BEND6: variants seen among roughly 807,000 people sequenced by gnomAD.
The protein encoded by BEND6 is BEN domain containing 6, also known as BEN domain-containing protein 6.
A neutral mutation model predicts 31.8 loss-of-function variants in BEND6; 24 were observed. That is an observed-to-expected ratio of 0.75 (90% CI 0.55 to 1.06). The LOEUF (loss-of-function observed/expected upper bound fraction) is 1.06, where lower values mean the gene tolerates loss of function less well. Ranked by LOEUF, BEND6 falls within the 50% of genes least tolerant of loss-of-function variation. The pLI is 0.00. For missense variants in BEND6, 294 were observed against 327.4 expected, an observed-to-expected ratio of 0.90 and a Z score of 0.79; for synonymous variants, 109 against 114.6, an observed-to-expected ratio of 0.95 and a Z score of 0.31.
intron 1 of BEND6, among the ~76,000 whole-genome samples, chr6:56,978,221 T>A (rs1358918989): frequency 6.6e-6 from 1 of 152,050 alleles, no homozygotes; most frequent in Non-Finnish European, 1.5e-5. Flanking sequence ...ACTTCAAGGC[T>A]GCAGTGACTT....
At chr6:57,001,620 A>T (rs555557085) in intron 3 of BEND6, among the ~76,000 whole-genome samples, 1 of 152,334 alleles carries the variant, frequency 6.6e-6, no homozygotes, top group East Asian at 1.9e-4. Flanking sequence ...TCCAACCAAG[A>T]GGTACATATC....
At chr6:56,972,525 T>C (rs1028396925) in intron 1 of BEND6, among the ~76,000 whole-genome samples, 1 of 152,240 alleles carries the variant, frequency 6.6e-6, no homozygotes. Context: ...AATTATGTAC[T>C]TTAAAAGGAA....
intron 2 of BEND6, among the ~76,000 whole-genome samples, chr6:56,984,126 T>C (rs865995961): frequency 6.6e-6 from 1 of 151,616 alleles, no homozygotes; most frequent in Non-Finnish European, 1.5e-5. Flanking sequence ...GAGGTTGAGG[T>C]GGGAGGATCG....
chr6:56,968,424 G>A (rs1825568043), intron 1 of BEND6, among the ~76,000 whole-genome samples: 1 of 141,820 alleles, frequency 7.1e-6, no homozygotes, highest in Non-Finnish European at 1.5e-5. Flanking sequence ...GGGCTCTCGT[G>A]ATCCTCCCAC....
chr6:56,993,287 A>G (rs988496973), intron 3 of BEND6, among the ~76,000 whole-genome samples: 1 of 152,234 alleles, frequency 6.6e-6, no homozygotes, highest in African/African-American at 2.4e-5. Context: ...ATATTTTATA[A>G]TAAGGATACT....
chr6:57,006,686 G>A (rs1827172169), intron 3 of BEND6, among the ~76,000 whole-genome samples: 1 of 152,178 alleles, frequency 6.6e-6, no homozygotes, highest in African/African-American at 2.4e-5. Flanking sequence ...CAGATTGAAT[G>A]CAATTCCTAT....
chr6:56,955,861 ACT>A (rs1199501216), intron 1 of BEND6, among the ~76,000 whole-genome samples: 2 of 152,146 alleles, frequency 1.3e-5, no homozygotes, highest in African/African-American at 4.8e-5. Flanking sequence ...TTGCAGGCAC[ACT>A]CTGTCTCCCC....
chr6:57,008,529 C>T, intron 3 of BEND6: 2 of 318,348 alleles, frequency 6.3e-6, no homozygotes. Flanking sequence ...CCTGCCACAA[C>T]TTCACTGCAG....
chr6:57,015,796 G>C (rs868443501), intron 4 of BEND6, among the ~76,000 whole-genome samples: 5 of 148,214 alleles, frequency 3.4e-5, no homozygotes, highest in Middle Eastern at 7.1e-3. Flanking sequence ...GGGCGACAGA[G>C]CGAGACTCCG....
chr6:56,957,853 T>C (rs1825146007), intron 1 of BEND6, among the ~76,000 whole-genome samples: 1 of 152,234 alleles, frequency 6.6e-6, no homozygotes, highest in African/African-American at 2.4e-5. Flanking sequence ...ATAGCCCTTC[T>C]TCCCTTTAGA....
intron 3 of BEND6, among the ~76,000 whole-genome samples, chr6:57,004,962 T>C (rs780203985): frequency 6.6e-6 from 1 of 152,164 alleles, no homozygotes; most frequent in African/African-American, 2.4e-5. Context: ...AGTCAATAAT[T>C]ATCTGAATAT....
At chr6:56,969,575 C>A (rs923670999) in intron 1 of BEND6, among the ~76,000 whole-genome samples, 1 of 152,110 alleles carries the variant, frequency 6.6e-6, no homozygotes, top group Non-Finnish European at 1.5e-5. Flanking sequence ...ACTTTTGAAA[C>A]CTATGAAAGA....
intron 3 of BEND6, chr6:57,014,595 T>A (rs1009141244): frequency 1.0e-5 from 12 of 1,174,576 alleles, no homozygotes; most frequent in Non-Finnish European, 1.4e-5. Context: ...CTTTAATATA[T>A]CACAACACAG....
At chr6:56,981,307 T>C (rs112549342) in intron 1 of BEND6, among the ~76,000 whole-genome samples, 183 of 152,288 alleles carry the variant, frequency 1.2e-3, no homozygotes, top group African/African-American at 4.3e-3. Context: ...CCCTGGAATA[T>C]TTTAGTCTTC....
chr6:56,975,595 GA>G, intron 1 of BEND6: 1 of 320,322 alleles, frequency 3.1e-6, no homozygotes, highest in Non-Finnish European at 6.3e-6. Flanking sequence ...ATTTCTTCTC[GA>G]AAGCACTCTA....
At chr6:56,997,703 G>A (rs537496246) in intron 3 of BEND6, among the ~76,000 whole-genome samples, 132 of 152,152 alleles carry the variant, frequency 8.7e-4, no homozygotes, top group Admixed American at 1.6e-3. Flanking sequence ...ACAGGTGCCT[G>A]CCACCACGCC....
Position 57,017,221 on chromosome 6 carries a change from A to C in BEND6, c.534A>C (p.Lys178Asn). 1 of 1,573,768 alleles carries C rather than the reference A, an allele frequency of 6.4e-7. No homozygotes were observed. The highest frequency in any genetic ancestry group is 8.6e-7 in the Non-Finnish European group (1 of 1,161,564). ...QTDEKQFQIE[K>N]WQIARCNKSK... ...TATCTTTTTAGTTCCAGATTGAAAA[A>C]TGGCAGATTGCCCGTTGTAACAAGA... The change falls in exon 5 of 7, where the codon AAA (lysine) becomes AAC (asparagine). Residue 178 changes from lysine (K) to asparagine (N), a missense_variant. Physicochemically the swap from Lys to Asn is moderately conservative, Grantham distance 94. Coordinates refer to ENST00000370746, the MANE Select transcript of BEND6 (RefSeq NM_152731.3).
chr6:57,008,025 A>T (rs915007777), intron 3 of BEND6, among the ~76,000 whole-genome samples: 7 of 152,214 alleles, frequency 4.6e-5, no homozygotes, highest in Admixed American at 4.6e-4. Flanking sequence ...TTCATGCAGT[A>T]TAGCATTGGC....
chr6:56,959,069 T>C (rs1825197351), intron 1 of BEND6, among the ~76,000 whole-genome samples: 1 of 152,202 alleles, frequency 6.6e-6, no homozygotes, highest in Non-Finnish European at 1.5e-5. Flanking sequence ...CTAGGGAATT[T>C]GGGAGATGGA....
Sources: gnomAD v4.1 joint callset for allele counts (sites outside exome capture counted in the v4.1 genomes callset) on GRCh38, gnomAD v4.1.1 for gene constraint, MANE v1.5 for transcripts, NCBI Gene and HGNC (gene_info 2026-07-23, HGNC 2026-07-21) for gene names.